The following NGEF variants were observed in gnomAD, a reference collection of about 807,000 sequenced individuals.
NGEF encodes ephexin-1.
A neutral mutation model predicts 80.9 loss-of-function variants in NGEF; 31 were observed. That is an observed-to-expected ratio of 0.38 (90% confidence interval 0.29 to 0.52). The LOEUF is 0.52. NGEF is among the 20% of genes least tolerant of loss of function. NGEF has a pLI of 0.84. For synonymous variants in NGEF, 371 were observed against 370.2 expected (o/e 1.00, Z -0.03); for missense variants, 709 against 926.2 (o/e 0.77, Z 3.04).
At chr2:232,905,847 A>T in intron 5 of NGEF, 1 of 240,346 alleles carries the variant, frequency 4.2e-6, no homozygotes, top group South Asian at 3.0e-5. Flanking sequence ...CCGTCTGGGA[A>T]GTGAGGAGCG....
At chr2:233,007,073 A>G (rs1695099721) in intron 1 of NGEF, among the ~76,000 whole-genome samples, 1 of 152,042 alleles carries the variant, frequency 6.6e-6, no homozygotes, top group Non-Finnish European at 1.5e-5. Context: ...GAGAAACCCC[A>G]TTTCTACAAA....
chr2:232,897,852 G>T (rs1363687998), intron 5 of NGEF, among the ~76,000 whole-genome samples: 1 of 151,216 alleles, frequency 6.6e-6, no homozygotes, highest in Non-Finnish European at 1.5e-5. Flanking sequence ...CCTCACTTGA[G>T]ACAGCGACGG....
chr2:232,994,618 G>A (rs1694740664), intron 1 of NGEF, among the ~76,000 whole-genome samples: 1 of 152,140 alleles, frequency 6.6e-6, no homozygotes, highest in African/African-American at 2.4e-5. Flanking sequence ...GGGGAGTGGA[G>A]CCAGCCAGGC....
At chr2:232,899,863 C>G (rs1692236634) in intron 5 of NGEF, among the ~76,000 whole-genome samples, 1 of 143,888 alleles carries the variant, frequency 6.9e-6, no homozygotes, top group Non-Finnish European at 1.6e-5. Flanking sequence ...CACGCTCTCA[C>G]AGTCACTCAT....
intron 3 of NGEF, among the ~76,000 whole-genome samples, chr2:232,949,001 G>A (rs983409981): frequency 2.0e-5 from 3 of 151,614 alleles, no homozygotes; most frequent in Admixed American, 6.6e-5. Context: ...CTGGGCAACA[G>A]AGCAAGACTG....
At chr2:232,903,948 A>C (rs776522508) in intron 5 of NGEF, among the ~76,000 whole-genome samples, 1 of 152,244 alleles carries the variant, frequency 6.6e-6, no homozygotes, top group African/African-American at 2.4e-5. Flanking sequence ...GAAAACAACA[A>C]AAATACAACT....
intron 8 of NGEF, among the ~76,000 whole-genome samples, chr2:232,888,422 G>A (rs1219425737): frequency 6.6e-6 from 1 of 151,936 alleles, no homozygotes; most frequent in African/African-American, 2.4e-5. Context: ...ATGCACACAC[G>A]TGCATACATG....
chr2:232,905,074 CCCTCTCCCCTCTCCCCTCTCT>C (rs1692461624), intron 5 of NGEF, among the ~76,000 whole-genome samples: 1 of 151,404 alleles, frequency 6.6e-6, no homozygotes, highest in Non-Finnish European at 1.5e-5. Flanking sequence ...CTCTCCTCTC[CCCTCTCCCCTCTCCCCTCTCT>C]CTCCTCTCAC....
At chr2:232,889,481 C>T (rs1235087173) in intron 8 of NGEF, among the ~76,000 whole-genome samples, 1 of 152,208 alleles carries the variant, frequency 6.6e-6, no homozygotes, top group African/African-American at 2.4e-5. Flanking sequence ...CTAATCACTG[C>T]ATTTCCATTG....
At chr2:232,970,100 GTTA>G in intron 3 of NGEF, 111 bp downstream of exon 3, 2 of 491,184 alleles carry the variant, frequency 4.1e-6, no homozygotes, top group Non-Finnish European at 7.0e-6. Flanking sequence ...GCAACCAAAA[GTTA>G]TTATTATTTT....
At chr2:232,886,086 G>A (rs546835251) in intron 9 of NGEF, among the ~76,000 whole-genome samples, 33 of 84,258 alleles carry the variant, frequency 3.9e-4, no homozygotes, top group Middle Eastern at 5.2e-3. Flanking sequence ...ATACAGTGGT[G>A]TGTGTGCTGT....
chr2:232,972,541 T>C (rs62191859), intron 2 of NGEF, among the ~76,000 whole-genome samples: 70,463 of 151,924 alleles, frequency 0.46, 17,137 homozygotes, highest in African/African-American at 0.56. Context: ...GAACTCTAGC[T>C]CAGTCTGTAC....
chr2:232,891,584 C>T, intron 7 of NGEF, 97 bp from the exon 8 acceptor site: 1 of 1,359,332 alleles, frequency 7.4e-7, no homozygotes, highest in Admixed American at 2.5e-5. Context: ...ATCCAGACGA[C>T]CCACGGGCTC....
At chr2:232,898,302 T>C (rs1423245069) in intron 5 of NGEF, among the ~76,000 whole-genome samples, 1 of 152,158 alleles carries the variant, frequency 6.6e-6, no homozygotes, top group Non-Finnish European at 1.5e-5. Context: ...TAGAGACACC[T>C]GGGATGACAC....
intron 3 of NGEF, among the ~76,000 whole-genome samples, chr2:232,930,676 T>G (rs1478531727): frequency 2.6e-5 from 4 of 152,012 alleles, no homozygotes; most frequent in African/African-American, 9.7e-5. Context: ...CTAATCCCAT[T>G]CATGAGGGAT....
At chr2:232,935,105 TA>T (rs1409366097) in intron 3 of NGEF, among the ~76,000 whole-genome samples, 1 of 152,218 alleles carries the variant, frequency 6.6e-6, no homozygotes, top group Non-Finnish European at 1.5e-5. Context: ...ATCTAAAGAT[TA>T]TTTTTTCCTT....
intron 5 of NGEF, among the ~76,000 whole-genome samples, chr2:232,907,203 AG>A (rs1302381424): frequency 1.3e-5 from 2 of 149,138 alleles, no homozygotes; most frequent in African/African-American, 4.9e-5. Context: ...AAAAAAAAAA[AG>A]GAGGAAAACA....
chr2:232,885,343 G>A lies in NGEF; in HGVS notation c.1374C>T (p.Val458=). ...TCTGTTCCGTGCGGCTCATTTTCCTGACGCCCTCGTTGCATGCCTTCACCA... is the reference window on the plus strand; with the variant it reads ...TCTGTTCCGTGCGGCTCATTTTCCTAACGCCCTCGTTGCATGCCTTCACCA... ...EMVVKACNEG[V]RKMSRTEQMI... is the part of the protein sequence containing the mutation. The change falls in exon 10 of 15, where the codon GTC becomes GTT. Residue 458 remains valine (V), a synonymous_variant. Transcript: ENST00000264051. The A allele has an allele frequency of 6.2e-7, 1 of 1,614,114 alleles. No individual in the cohort carries two copies. Among genetic ancestry groups the A allele is most frequent in the Non-Finnish European group, 8.5e-7 (1 of 1,180,006 alleles).
chr2:232,959,803 T>C (rs1693907099), intron 3 of NGEF, among the ~76,000 whole-genome samples: 1 of 152,196 alleles, frequency 6.6e-6, no homozygotes, highest in South Asian at 2.1e-4. Flanking sequence ...GGTCTTGAAC[T>C]CCCAACCTCA....
Sources: gnomAD v4.1 joint callset for allele counts (sites outside exome capture counted in the v4.1 genomes callset) on GRCh38, gnomAD v4.1.1 for gene constraint, MANE v1.5 for transcripts, NCBI Gene and HGNC (gene_info 2026-07-23, HGNC 2026-07-21) for gene names.